GRIA1: variants seen among roughly 807,000 people sequenced by gnomAD.
GRIA1 encodes glutamate ionotropic receptor AMPA type subunit 1, also known as glutamate receptor 1.
Under a neutral mutation model 99.2 loss-of-function variants are expected in GRIA1, and 31 were observed. That is an observed-to-expected ratio of 0.31 (90% CI 0.23 to 0.42). The LOEUF (loss-of-function observed/expected upper bound fraction) is 0.42. GRIA1 is among the 10% of genes least tolerant of loss of function. The pLI is 1.00. For missense variants in GRIA1, 782 were observed against 1,157.5 expected (o/e 0.68, Z 4.71); for synonymous variants, 438 against 432.4 (o/e 1.01, Z -0.16).
In GRIA1 at chr5:153,726,723, G is replaced by C. The variant is rs557805564; in HGVS notation, c.1823+20656G>C. 2.0e-5 allele frequency among the ~76,000 whole-genome samples: 3 copies of C among 152,262 alleles called. No homozygotes were observed. The South Asian group carries it at 6.2e-4, about 32-fold the overall frequency. ...GAATATCTGAGTAGACCAATAACAG[G>C]CTCTGAAATTGTGGCAATAATTAAT... is the stretch of plus-strand genomic sequence containing the variant. On this transcript the variant is annotated intron_variant, in intron 11 of 15. Coordinates refer to ENST00000285900, the MANE Select transcript of GRIA1 (RefSeq NM_000827.4).
chr5:153,807,362 T>G (rs938257537), intron 15 of GRIA1, among the ~76,000 whole-genome samples: 15 of 152,290 alleles, frequency 9.8e-5, no homozygotes, highest in African/African-American at 3.6e-4. Flanking sequence ...AGCAAACACT[T>G]GCATGTTCAA....
intron 15 of GRIA1, among the ~76,000 whole-genome samples, chr5:153,804,689 G>T (rs867504024): frequency 2.6e-5 from 4 of 151,604 alleles, no homozygotes; most frequent in Non-Finnish European, 5.9e-5. Context: ...TGTCATCTTA[G>T]GTTTTAGTAA....
intron 2 of GRIA1, among the ~76,000 whole-genome samples, chr5:153,568,729 A>G (rs1407946637): frequency 6.6e-6 from 1 of 152,164 alleles, no homozygotes; most frequent in South Asian, 2.1e-4. Flanking sequence ...TAGCCATATC[A>G]AAATTTATGC....
At chr5:153,640,502 TTC>T (rs1753711670) in intron 2 of GRIA1, among the ~76,000 whole-genome samples, 1 of 152,226 alleles carries the variant, frequency 6.6e-6, no homozygotes, top group African/African-American at 2.4e-5. Context: ...TCTGGAGTTT[TTC>T]TGTTGTGCCC....
intron 5 of GRIA1, among the ~76,000 whole-genome samples, chr5:153,669,013 TCTTG>T (rs1468448436): frequency 6.6e-6 from 1 of 152,220 alleles, no homozygotes; most frequent in Non-Finnish European, 1.5e-5. Context: ...CAGTTTGAAT[TCTTG>T]CTTGCTGTGT....
At chr5:153,802,661 AAAGG>A (rs1338138313) in intron 15 of GRIA1, among the ~76,000 whole-genome samples, 171 bp downstream of exon 15, 2 of 152,100 alleles carry the variant, frequency 1.3e-5, no homozygotes, top group East Asian at 1.9e-4. Flanking sequence ...CAGCCATGAG[AAAGG>A]AAGGAAGATG....
In GRIA1 at chr5:153,516,574, G is replaced by C. The variant is rs952450595; in HGVS notation, c.220+22509G>C. ...CTGTACACTGATGCCTTGTGGTGTGGCATTGGCTCAGATGCTTCCCTCCTC... is the reference window on the plus strand; with the variant it reads ...CTGTACACTGATGCCTTGTGGTGTGCCATTGGCTCAGATGCTTCCCTCCTC... On this transcript the variant is annotated intron_variant, in intron 2 of 15. Transcript: ENST00000285900. Among the ~76,000 whole-genome samples, 3 of 152,146 alleles carry C rather than the reference G, an allele frequency of 2.0e-5. No homozygotes were observed. In the East Asian group the frequency reaches 5.8e-4, roughly 29 times the overall value.
chr5:153,739,972 TTGA>T (rs1761663011), intron 11 of GRIA1, among the ~76,000 whole-genome samples: 2 of 152,232 alleles, frequency 1.3e-5, no homozygotes. Context: ...AGACGTGTTG[TTGA>T]TGATCTTATT....
At chr5:153,792,707 TTCTG>T (rs1488402586) in intron 13 of GRIA1, among the ~76,000 whole-genome samples, 6 of 152,298 alleles carry the variant, frequency 3.9e-5, no homozygotes, top group Admixed American at 2.6e-4. Flanking sequence ...CTTTCTTTCT[TTCTG>T]TCTGTCTTTC....
rs545847492 is a variant in GRIA1, at chr5:153,532,083, C to T, written c.220+38018C>T. On this transcript the variant is annotated intron_variant, in intron 2 of 15. Transcript: ENST00000285900. The stretch of plus-strand genomic sequence containing the variant: ...CTTTATTGCAGGGTGTAGGGGGTGT[C>T]ACTCTTTTACAGCCTTTACAGCCCT... Among the ~76,000 whole-genome samples, 6 of 152,198 alleles carry T rather than the reference C, an allele frequency of 3.9e-5. No homozygotes were observed. In the South Asian group the frequency reaches 1.2e-3, roughly 32 times the overall value.
chr5:153,509,293 A>G (rs1017763470), intron 2 of GRIA1, among the ~76,000 whole-genome samples: 6 of 152,228 alleles, frequency 3.9e-5, no homozygotes, highest in South Asian at 2.1e-4. Flanking sequence ...TGAAGAAAGT[A>G]TGCACAGGAT....
intron 5 of GRIA1, among the ~76,000 whole-genome samples, chr5:153,667,403 C>T (rs755040325): frequency 1.3e-5 from 2 of 152,178 alleles, no homozygotes; most frequent in Admixed American, 1.3e-4. Flanking sequence ...TTTCATCCTT[C>T]GATAGCTATG....
chr5:153,733,428 A>G (rs28377072), intron 11 of GRIA1, among the ~76,000 whole-genome samples: 2,456 of 152,242 alleles, frequency 0.016, 74 homozygotes, highest in African/African-American at 0.056. Flanking sequence ...AAAATCATCA[A>G]ATCACAAAGA....
chr5:153,630,530 C>G (rs981764489), intron 2 of GRIA1, among the ~76,000 whole-genome samples: 3 of 152,060 alleles, frequency 2.0e-5, no homozygotes, highest in African/African-American at 7.2e-5. Flanking sequence ...AGAGGCCACC[C>G]CAAAACAATA....
chr5:153,627,538 C>G (rs1052286436), intron 2 of GRIA1, among the ~76,000 whole-genome samples: 7 of 152,058 alleles, frequency 4.6e-5, no homozygotes, highest in African/African-American at 1.7e-4. Context: ...AGTCTTTCTT[C>G]CCCAGTCAGA....
chr5:153,755,092 A>G (rs1762740796), intron 11 of GRIA1, among the ~76,000 whole-genome samples: 1 of 152,208 alleles, frequency 6.6e-6, no homozygotes, highest in African/African-American at 2.4e-5. Flanking sequence ...AAAGAGCAGT[A>G]TGACCAGAGT....
At chr5:153,700,869 CA>C (rs1758464780) in intron 10 of GRIA1, among the ~76,000 whole-genome samples, 1 of 152,172 alleles carries the variant, frequency 6.6e-6, no homozygotes, top group Admixed American at 6.5e-5. Flanking sequence ...AAATCTTCCT[CA>C]GGGAGGTAGC....
chr5:153,692,254 CCTTTTT>C (rs1757817456), intron 8 of GRIA1, among the ~76,000 whole-genome samples: 1 of 152,126 alleles, frequency 6.6e-6, no homozygotes, highest in Non-Finnish European at 1.5e-5. Flanking sequence ...GTCACAATTT[CCTTTTT>C]ATTTGTACTT....
At chr5:153,501,829 T>C (rs1236296842) in intron 2 of GRIA1, among the ~76,000 whole-genome samples, 1 of 152,168 alleles carries the variant, frequency 6.6e-6, no homozygotes, top group East Asian at 1.9e-4. Flanking sequence ...TTCCTGGAGA[T>C]TGGAGGCTGA....
Sources: gnomAD v4.1 joint callset for allele counts (sites outside exome capture counted in the v4.1 genomes callset) on GRCh38, gnomAD v4.1.1 for gene constraint, MANE v1.5 for transcripts, NCBI Gene and HGNC (gene_info 2026-07-23, HGNC 2026-07-21) for gene names.